Variants in CRYBG1 observed in about 807,000 individuals in gnomAD.
CRYBG1 encodes the protein beta/gamma crystallin domain-containing protein 1.
In CRYBG1, 139 loss-of-function variants were observed where a neutral mutation model predicts 189.2. That is an observed-to-expected ratio of 0.73 (90% CI 0.64 to 0.85). The LOEUF (loss-of-function observed/expected upper bound fraction) is 0.85, where lower values mean the gene tolerates loss of function less well. CRYBG1 is among the 40% of genes least tolerant of loss of function. The probability of loss-of-function intolerance (pLI) is 0.00; values close to 1 mark genes in which losing one functional copy is unlikely to be tolerated. For synonymous variants in CRYBG1, 1,023 were observed against 1,017.1 expected, an observed-to-expected ratio of 1.01 and a Z score of -0.11; for missense variants, 2,611 against 2,675.8, an observed-to-expected ratio of 0.98 and a Z score of 0.53.
intron 9 of CRYBG1, chr6:106,541,181 G>A (rs757905243): frequency 2.1e-6 from 1 of 471,518 alleles, no homozygotes; most frequent in South Asian, 1.6e-5. Flanking sequence ...CCGGGCCTGT[G>A]CCCAGCTGAA....
intron 2 of CRYBG1, among the ~76,000 whole-genome samples, chr6:106,464,174 T>C (rs1011804122): frequency 6.6e-6 from 1 of 152,150 alleles, no homozygotes; most frequent in Non-Finnish European, 1.5e-5. Flanking sequence ...TCGAACGCTC[T>C]TCTTGACTTC....
At chr6:106,468,673 G>A (rs903143682) in intron 2 of CRYBG1, among the ~76,000 whole-genome samples, 34 of 152,326 alleles carry the variant, frequency 2.2e-4, no homozygotes, top group African/African-American at 8.2e-4. Flanking sequence ...CTGGGTGATA[G>A]AGTGAGACTT....
chr6:106,466,347 A>C (rs1011818318), intron 2 of CRYBG1, among the ~76,000 whole-genome samples: 4 of 152,242 alleles, frequency 2.6e-5, no homozygotes, highest in Non-Finnish European at 5.9e-5. Flanking sequence ...CATGTGCTCA[A>C]CATTCATTCA....
intron 1 of CRYBG1, among the ~76,000 whole-genome samples, chr6:106,399,811 C>T (rs1427042059): frequency 2.6e-5 from 4 of 151,898 alleles, no homozygotes; most frequent in Admixed American, 6.6e-5. Flanking sequence ...CATGCACCGC[C>T]ATGCCCAGCT....
intron 2 of CRYBG1, among the ~76,000 whole-genome samples, chr6:106,478,656 C>A (rs933885696): frequency 2.0e-5 from 3 of 152,204 alleles, no homozygotes; most frequent in Non-Finnish European, 2.9e-5. Flanking sequence ...GACCATAGAC[C>A]AATACCAGTC....
intron 2 of CRYBG1, among the ~76,000 whole-genome samples, chr6:106,471,905 G>A (rs1380238237): frequency 2.6e-5 from 4 of 152,068 alleles, no homozygotes; most frequent in Non-Finnish European, 5.9e-5. Context: ...CTCATCTTTG[G>A]TCTTATTTAG....
chr6:106,511,876 G>C lies in CRYBG1; in HGVS notation c.759G>C (p.Lys253Asn). 6.6e-7 allele frequency: 1 copy of C among 1,519,848 alleles called. No homozygotes were observed. Among genetic ancestry groups the C allele is most frequent in the East Asian group, 2.5e-5 (1 of 40,602 alleles). 94.1% of individuals were successfully genotyped at this position (1,519,848 alleles called of 1,614,324 possible). Residue 253 changes from lysine (K) to asparagine (N), a missense_variant, in exon 3 of 22, where the codon AAG (lysine) becomes AAC (asparagine). Physicochemically the swap from Lys to Asn is moderately conservative, Grantham distance 94. Coordinates refer to ENST00000633556, the MANE Select transcript of CRYBG1 (RefSeq NM_001371242.2). ...TCCCAGATGCCACCACCACTGCCAAGCAGCTGCATTCCTCGCCGGGAAATT... is the reference window on the plus strand; with the variant it reads ...TCCCAGATGCCACCACCACTGCCAACCAGCTGCATTCCTCGCCGGGAAATT... ...EPFPDATTTAKQLHSSPGNSS... is the reference protein window; with the variant it reads ...EPFPDATTTANQLHSSPGNSS...
chr6:106,391,966 T>A (rs1260237532), intron 1 of CRYBG1, among the ~76,000 whole-genome samples: 1 of 41,396 alleles, frequency 2.4e-5, no homozygotes, highest in Non-Finnish European at 4.3e-5. Context: ...TGTGTGTGTG[T>A]GTGTGCGTGC....
At chr6:106,399,419 TA>T (rs751015331) in intron 1 of CRYBG1, among the ~76,000 whole-genome samples, 6 of 152,226 alleles carry the variant, frequency 3.9e-5, no homozygotes, top group Non-Finnish European at 7.3e-5. Context: ...ATGCCCTTGT[TA>T]TATCCCAATC....
chr6:106,558,305 C>T (rs1240409732), intron 17 of CRYBG1, among the ~76,000 whole-genome samples, 181 bp from the exon 18 acceptor site: 1 of 152,074 alleles, frequency 6.6e-6, no homozygotes, highest in Admixed American at 6.5e-5. Flanking sequence ...CTAACTGCCC[C>T]TCTGTGCTTT....
chr6:106,517,006 C>CTTTT (rs5878896), intron 3 of CRYBG1, among the ~76,000 whole-genome samples: 7 of 106,648 alleles, frequency 6.6e-5, no homozygotes, highest in Non-Finnish European at 7.5e-5. Flanking sequence ...ATGGTTTAGA[C>CTTTT]TTTTTTTTTT....
chr6:106,461,134 A>G (rs185296596), intron 2 of CRYBG1, among the ~76,000 whole-genome samples: 13 of 152,258 alleles, frequency 8.5e-5, no homozygotes, highest in East Asian at 1.9e-4. Flanking sequence ...ATGAAAAAAT[A>G]TTTACAATTG....
rs192254345 is a variant in CRYBG1, at chr6:106,518,548, T to C, written c.1923-583T>C. Among the ~76,000 whole-genome samples the C allele has an allele frequency of 2.0e-5, 3 of 152,304 alleles. No homozygotes were observed. The East Asian group carries it at 5.8e-4, about 29-fold the overall frequency. On this transcript the variant is annotated intron_variant, in intron 3 of 21. Transcript: ENST00000633556. Reference sequence around the variant, plus strand: ...GCTACGTACTCAATAAATTAGTTCATCCCTCATCCCTAGAGTTTCTTGGCT... The same window carrying C: ...GCTACGTACTCAATAAATTAGTTCACCCCTCATCCCTAGAGTTTCTTGGCT...
chr6:106,469,672 G>A (rs1772189973), intron 2 of CRYBG1, among the ~76,000 whole-genome samples: 1 of 152,072 alleles, frequency 6.6e-6, no homozygotes, highest in African/African-American at 2.4e-5. Flanking sequence ...TTTTGTAATC[G>A]TTGATATTAA....
chr6:106,399,074 A>G (rs763388218), intron 1 of CRYBG1, among the ~76,000 whole-genome samples: 10 of 152,230 alleles, frequency 6.6e-5, no homozygotes, highest in Non-Finnish European at 1.5e-4. Context: ...CCAGAGAGCC[A>G]GTTTATTTTG....
intron 1 of CRYBG1, among the ~76,000 whole-genome samples, chr6:106,438,156 A>G (rs1199865856): frequency 6.6e-6 from 1 of 152,196 alleles, no homozygotes; most frequent in Non-Finnish European, 1.5e-5. Flanking sequence ...AGAGACTGGC[A>G]CATGCCAAGC....
At chr6:106,559,584 G>T (rs534764415) in intron 18 of CRYBG1, among the ~76,000 whole-genome samples, 1 of 152,078 alleles carries the variant, frequency 6.6e-6, no homozygotes, top group African/African-American at 2.4e-5. Context: ...AGGAGTTCAG[G>T]ACCAGCCTGG....
Position 106,560,910 on chromosome 6 carries a change from T to TA in CRYBG1, c.5964dup (p.Arg1989ThrfsTer45). The TA allele has an allele frequency of 6.2e-7, 1 of 1,608,782 alleles. No individual in the cohort carries two copies. Among genetic ancestry groups the TA allele is most frequent in the Admixed American group, 1.7e-5 (1 of 58,866 alleles). ...AGTGGCTGTCGCCAAATAGGTTCTCTACGACCTTTTGTTCAGGTATTTTCT... is the reference window on the plus strand; with the variant it reads ...AGTGGCTGTCGCCAAATAGGTTCTCTAACGACCTTTTGTTCAGGTATTTTCT... On this transcript the variant is annotated frameshift_variant, in exon 19 of 22. Transcript: ENST00000633556. LOFTEE classifies it high-confidence loss of function.
chr6:106,564,741 T>G (rs1361188753), intron 21 of CRYBG1, among the ~76,000 whole-genome samples: 1 of 152,186 alleles, frequency 6.6e-6, no homozygotes, highest in Non-Finnish European at 1.5e-5. Flanking sequence ...GTGTGGGAAC[T>G]CAGTGAACTA....
Sources: gnomAD v4.1 joint callset for allele counts (sites outside exome capture counted in the v4.1 genomes callset) on GRCh38, gnomAD v4.1.1 for gene constraint, MANE v1.5 for transcripts, NCBI Gene and HGNC (gene_info 2026-07-23, HGNC 2026-07-21) for gene names.